FAM227B: variants seen among roughly 807,000 people sequenced by gnomAD.
FAM227B encodes family with sequence similarity 227 member B.
In FAM227B, 88 loss-of-function variants were observed where a neutral mutation model predicts 73.8. The observed-to-expected ratio is 1.19, with a 90% CI of 1.00 to 1.42. The LOEUF (loss-of-function observed/expected upper bound fraction) is 1.42, where lower values mean the gene tolerates loss of function less well. Among genes scored for constraint, FAM227B ranks in the 40% most tolerant of loss-of-function variants. FAM227B has a pLI of 0.00. For missense variants in FAM227B, 632 were observed against 590.9 expected, an observed-to-expected ratio of 1.07 and a Z score of -0.72; for synonymous variants, 210 against 190.5, an observed-to-expected ratio of 1.10 and a Z score of -0.84.
At chr15:49,577,728 T>C (rs1279377813) in intron 5 of FAM227B, 64 bp from the exon 6 acceptor site, 1 of 1,032,052 alleles carries the variant, frequency 9.7e-7, no homozygotes, top group East Asian at 2.6e-5. Context: ...ATTTAGTAAA[T>C]TTGTTCAGTT....
chr15:49,609,297 CAG>C (rs1388259359), intron 3 of FAM227B, among the ~76,000 whole-genome samples: 5 of 151,206 alleles, frequency 3.3e-5, no homozygotes, highest in Non-Finnish European at 7.4e-5. Context: ...AAAAGATACA[CAG>C]AAGTACAACA....
At chr15:49,590,068 G>A (rs2076433016) in intron 3 of FAM227B, 61 bp from the exon 4 acceptor site, 1 of 892,222 alleles carries the variant, frequency 1.1e-6, no homozygotes, top group Non-Finnish European at 1.8e-6. Context: ...TTAAATAATA[G>A]AGTTCAAAAC....
At chr15:49,450,521 T>C (rs1447578103) in intron 11 of FAM227B, among the ~76,000 whole-genome samples, 1 of 152,144 alleles carries the variant, frequency 6.6e-6, no homozygotes, top group Non-Finnish European at 1.5e-5. Context: ...AATAGCTCAA[T>C]GTGTAAACTT....
At chr15:49,466,728 A>G (rs1247227981) in intron 11 of FAM227B, among the ~76,000 whole-genome samples, 2 of 152,208 alleles carry the variant, frequency 1.3e-5, no homozygotes, top group Admixed American at 6.6e-5. Flanking sequence ...GGCTGGATAT[A>G]CATTGGTAAT....
chr15:49,363,007 G>C (rs994520638), intron 13 of FAM227B, among the ~76,000 whole-genome samples: 2 of 152,150 alleles, frequency 1.3e-5, no homozygotes, highest in African/African-American at 4.8e-5. Flanking sequence ...TCAGTGCCAT[G>C]CTGTTTTGGT....
intron 9 of FAM227B, 61 bp downstream of exon 9, chr15:49,568,184 G>A (rs555995362): frequency 1.4e-6 from 2 of 1,384,956 alleles, no homozygotes; most frequent in East Asian, 2.4e-5. Context: ...ATAAAATAAC[G>A]ATTTTTTCTA....
At chr15:49,527,701 C>T (rs971825822) in intron 10 of FAM227B, among the ~76,000 whole-genome samples, 11 of 151,872 alleles carry the variant, frequency 7.2e-5, no homozygotes, top group African/African-American at 2.4e-4. Context: ...CATTTCTACA[C>T]ACTGATAATG....
At chr15:49,391,534 G>A (rs1224098282) in intron 11 of FAM227B, among the ~76,000 whole-genome samples, 1 of 152,080 alleles carries the variant, frequency 6.6e-6, no homozygotes, top group Non-Finnish European at 1.5e-5. Context: ...TCAGATAAAG[G>A]GAATATGAAA....
chr15:49,459,053 C>T lies in FAM227B; in HGVS notation c.1012+49158G>A, dbSNP rs1319145673. ...CTACTGTCATATAACTAATACTCAA[C>T]TAATATATCTTCCTTCTCTAGTGAT... On this transcript the variant is annotated intron_variant, in intron 11 of 15. Coordinates refer to ENST00000299338, the MANE Select transcript of FAM227B (RefSeq NM_152647.3). Among the ~76,000 whole-genome samples, 7 of 152,298 alleles carry T rather than the reference C, an allele frequency of 4.6e-5. No individual in the cohort carries two copies. The East Asian group carries it at 1.3e-3, about 29-fold the overall frequency.
chr15:49,363,282 G>A (rs2151422733), intron 13 of FAM227B, among the ~76,000 whole-genome samples: 1 of 152,056 alleles, frequency 6.6e-6, no homozygotes, highest in East Asian at 1.9e-4. Context: ...ACTTGTTTGT[G>A]TCATCTCTGA....
intron 3 of FAM227B, among the ~76,000 whole-genome samples, chr15:49,596,678 G>T (rs888401292): frequency 2.6e-5 from 4 of 151,896 alleles, no homozygotes; most frequent in African/African-American, 7.3e-5. Context: ...ATACAGAATG[G>T]CAGAATGGAT....
chr15:49,401,050 A>C (rs1352445184), intron 11 of FAM227B, among the ~76,000 whole-genome samples: 1 of 152,248 alleles, frequency 6.6e-6, no homozygotes, highest in African/African-American at 2.4e-5. Flanking sequence ...AACTACCATC[A>C]GAGTGAACAG....
intron 13 of FAM227B, among the ~76,000 whole-genome samples, chr15:49,359,217 C>G (rs952815753): frequency 4.1e-5 from 6 of 144,998 alleles, no homozygotes; most frequent in Non-Finnish European, 7.6e-5. Flanking sequence ...GCAACGGCAA[C>G]AAAAGACAAA....
At chr15:49,455,879 A>G (rs539613023) in intron 11 of FAM227B, among the ~76,000 whole-genome samples, 1 of 152,160 alleles carries the variant, frequency 6.6e-6, no homozygotes, top group Middle Eastern at 3.4e-3. Flanking sequence ...GTACCCAGAA[A>G]TATGCTCCTC....
chr15:49,465,896 G>C (rs1204304440), intron 11 of FAM227B, among the ~76,000 whole-genome samples: 1 of 152,012 alleles, frequency 6.6e-6, no homozygotes, highest in East Asian at 1.9e-4. Flanking sequence ...ACTTAATATG[G>C]TGTTTTTGTC....
chr15:49,438,986 T>G (rs1486349701), intron 11 of FAM227B, among the ~76,000 whole-genome samples: 1 of 151,702 alleles, frequency 6.6e-6, no homozygotes, highest in Admixed American at 6.6e-5. Flanking sequence ...TTTATTATCT[T>G]GCAGTTTCAG....
At chr15:49,353,914 A>T (rs920636848) in intron 13 of FAM227B, 1 of 152,242 alleles carries the variant, frequency 6.6e-6, no homozygotes, top group Non-Finnish European at 1.5e-5. Flanking sequence ...TTACTTTAGT[A>T]ATAACTTACA....
At chr15:49,493,918 A>C (rs1039933180) in intron 11 of FAM227B, among the ~76,000 whole-genome samples, 1 of 151,438 alleles carries the variant, frequency 6.6e-6, no homozygotes, top group Non-Finnish European at 1.5e-5. Flanking sequence ...GTGTGTAGTC[A>C]ATAGTACAGT....
intron 13 of FAM227B, among the ~76,000 whole-genome samples, chr15:49,354,916 A>G (rs946002905): frequency 7.2e-5 from 11 of 152,044 alleles, no homozygotes; most frequent in Admixed American, 2.0e-4. Context: ...CTGCCTCCTC[A>G]AGTGGGTCCC....
Sources: gnomAD v4.1 joint callset for allele counts (sites outside exome capture counted in the v4.1 genomes callset) on GRCh38, gnomAD v4.1.1 for gene constraint, MANE v1.5 for transcripts, NCBI Gene and HGNC (gene_info 2026-07-23, HGNC 2026-07-21) for gene names.